The following ME3 variants were observed in gnomAD, a reference collection of about 807,000 sequenced individuals.
ME3 encodes the protein NADP-dependent malic enzyme, mitochondrial.
Under a neutral mutation model 68.9 loss-of-function variants are expected in ME3, and 48 were observed. The ratio of observed to expected loss-of-function variants is 0.70; its 90% CI spans 0.55 to 0.89. The LOEUF (loss-of-function observed/expected upper bound fraction) is 0.89, where lower values mean the gene tolerates loss of function less well. Ranked by LOEUF, ME3 falls within the 40% of genes least tolerant of loss-of-function variation. The pLI, the probability that ME3 is intolerant of heterozygous loss-of-function variation, is 0.00. For synonymous variants in ME3, 320 were observed against 318.8 expected (o/e 1.00, Z -0.04); for missense variants, 675 against 797.4 (o/e 0.85, Z 1.85).
intron 2 of ME3, among the ~76,000 whole-genome samples, chr11:86,563,450 T>C (rs1262090998): frequency 1.3e-5 from 2 of 152,188 alleles, no homozygotes; most frequent in African/African-American, 4.8e-5. Flanking sequence ...TTCATGTTTG[T>C]TGGACACTTA....
chr11:86,657,986 C>G (rs1338253672), intron 2 of ME3, among the ~76,000 whole-genome samples: 2 of 152,126 alleles, frequency 1.3e-5, no homozygotes, highest in African/African-American at 2.4e-5. Flanking sequence ...AGATGAATAG[C>G]TCTTCTTAGG....
chr11:86,438,313 G>A (rs186982520), downstream of ME3, among the ~76,000 whole-genome samples: 43 of 152,018 alleles, frequency 2.8e-4, no homozygotes, highest in African/African-American at 9.2e-4. Flanking sequence ...AAAAAACTAC[G>A]TTTCTGAGGA....
At chr11:86,655,084 A>G (rs1594799232) in intron 2 of ME3, among the ~76,000 whole-genome samples, 1 of 152,346 alleles carries the variant, frequency 6.6e-6, no homozygotes, top group South Asian at 2.1e-4. Context: ...ACCACTGCTC[A>G]ATGAAATAAA....
At chr11:86,471,141 C>CTTTTTTTTTTTT (rs1163128094) in intron 7 of ME3, among the ~76,000 whole-genome samples, 1 of 75,044 alleles carries the variant, frequency 1.3e-5, no homozygotes, top group African/African-American at 6.3e-5. Flanking sequence ...AGGCCCAGAG[C>CTTTTTTTTTTTT]TTTTTTTTTT....
At chr11:86,617,973 TA>T (rs1943083782) in intron 2 of ME3, among the ~76,000 whole-genome samples, 1 of 152,044 alleles carries the variant, frequency 6.6e-6, no homozygotes, top group Admixed American at 6.6e-5. Context: ...CATTATTCAA[TA>T]TCGGACCTGG....
At chr11:86,447,269 G>T in intron 11 of ME3, 62 bp from the exon 12 acceptor site, 1 of 1,574,780 alleles carries the variant, frequency 6.4e-7, no homozygotes, top group Non-Finnish European at 8.6e-7. Flanking sequence ...TTCCTCTTCT[G>T]CTGGTGGTGG....
Position 86,571,452 on chromosome 11 carries a change from A to G in ME3, c.184-11629T>C, listed in dbSNP as rs566376053. On this transcript the variant is annotated intron_variant, in intron 2 of 14. Coordinates refer to ENST00000543262, the Ensembl canonical transcript of ME3. ...CAACATTAGTCTGCTCAGTGCTGCA[A>G]TGAGGAAAATGTTCTGTATCTGCGC... is the stretch of plus-strand genomic sequence containing the variant. Among the ~76,000 whole-genome samples, 25 of 152,354 alleles carry G rather than the reference A, an allele frequency of 1.6e-4. No homozygotes were observed. The East Asian group carries it at 1.9e-3, about 12-fold the overall frequency.
chr11:86,497,210 C>G (rs1952396754), intron 6 of ME3, among the ~76,000 whole-genome samples: 1 of 152,212 alleles, frequency 6.6e-6, no homozygotes, highest in South Asian at 2.1e-4. Context: ...TCTCAAACTC[C>G]TGGCCTCAGG....
At chr11:86,634,040 T>C (rs1944179157) in intron 2 of ME3, among the ~76,000 whole-genome samples, 1 of 152,194 alleles carries the variant, frequency 6.6e-6, no homozygotes, top group Non-Finnish European at 1.5e-5. Context: ...TTCCATTAAT[T>C]GAGTCCCCAA....
intron 4 of ME3, among the ~76,000 whole-genome samples, chr11:86,538,789 C>A (rs1262036774): frequency 6.6e-6 from 1 of 152,146 alleles, no homozygotes; most frequent in Non-Finnish European, 1.5e-5. Flanking sequence ...CATCATGATC[C>A]CTGACCCAAT....
intron 4 of ME3, among the ~76,000 whole-genome samples, chr11:86,515,712 G>A (rs1953849428): frequency 6.6e-6 from 1 of 152,250 alleles, no homozygotes; most frequent in Non-Finnish European, 1.5e-5. Context: ...AGCTCTTTAC[G>A]GATGATTGGG....
At chr11:86,653,842 C>G (rs1945654908) in intron 2 of ME3, among the ~76,000 whole-genome samples, 1 of 152,082 alleles carries the variant, frequency 6.6e-6, no homozygotes, top group South Asian at 2.1e-4. Context: ...AATTGATAGA[C>G]TGCTAGCAAG....
At chr11:86,467,411 T>G (rs1950534449) in intron 7 of ME3, among the ~76,000 whole-genome samples, 1 of 152,002 alleles carries the variant, frequency 6.6e-6, no homozygotes, top group African/African-American at 2.4e-5. Context: ...AAATGATAAA[T>G]AAAACCTCCC....
intron 2 of ME3, among the ~76,000 whole-genome samples, chr11:86,624,519 T>C (rs7105863): frequency 0.39 from 58,699 of 152,056 alleles, 11,991 homozygotes; most frequent in East Asian, 0.7. Flanking sequence ...CCCAAGGCCA[T>C]ACCTCATGCA....
intron 6 of ME3, among the ~76,000 whole-genome samples, chr11:86,489,848 A>C (rs1951894106): frequency 1.3e-5 from 2 of 151,818 alleles, no homozygotes; most frequent in Admixed American, 1.3e-4. Flanking sequence ...TCTCCCCAGT[A>C]CCTTTCTCAC....
chr11:86,474,495 G>T (rs966656113), intron 7 of ME3, among the ~76,000 whole-genome samples: 2 of 152,050 alleles, frequency 1.3e-5, no homozygotes, highest in African/African-American at 2.4e-5. Context: ...CAACACAAAG[G>T]TTTTCCTCTA....
chr11:86,581,832 A>G (rs565865547), intron 2 of ME3, among the ~76,000 whole-genome samples: 9 of 152,306 alleles, frequency 5.9e-5, no homozygotes, highest in African/African-American at 1.4e-4. Flanking sequence ...CAAGTCATTA[A>G]TAAGTTCAGT....
chr11:86,504,776 C>T (rs1214300860), intron 5 of ME3, among the ~76,000 whole-genome samples: 5 of 152,056 alleles, frequency 3.3e-5, no homozygotes, highest in East Asian at 1.9e-4. Context: ...CTGCAACCTC[C>T]GCCTCCCGGG....
chr11:86,559,371 G>A (rs1957088559), intron 3 of ME3, among the ~76,000 whole-genome samples: 1 of 151,990 alleles, frequency 6.6e-6, no homozygotes, highest in Non-Finnish European at 1.5e-5. Flanking sequence ...GAACCCCATT[G>A]CTGTCTGCTG....
Sources: allele counts gnomAD v4.1 joint callset (sites outside exome capture counted in the v4.1 genomes callset), GRCh38; gene constraint gnomAD v4.1.1; transcripts MANE v1.5; gene names NCBI Gene and HGNC (gene_info 2026-07-23, HGNC 2026-07-21).